The following PRKG1 variants were observed in gnomAD, a reference collection of about 807,000 sequenced individuals.
PRKG1 encodes cGMP-dependent protein kinase 1.
In PRKG1, 35 loss-of-function variants were observed where a neutral mutation model predicts 88.1. The observed-to-expected ratio is 0.40, with a 90% confidence interval of 0.30 to 0.53. PRKG1 has a LOEUF of 0.53. Ranked by LOEUF, PRKG1 falls within the 20% of genes least tolerant of loss-of-function variation. The pLI is 0.59. For missense variants in PRKG1, 540 were observed against 839.8 expected (o/e 0.64, Z 4.41); for synonymous variants, 303 against 292.5 (o/e 1.04, Z -0.37).
At chr10:51,464,919 C>T (rs1387447593) in intron 2 of PRKG1, among the ~76,000 whole-genome samples, 1 of 149,358 alleles carries the variant, frequency 6.7e-6, no homozygotes, top group Non-Finnish European at 1.5e-5. Flanking sequence ...AAGATAAGAT[C>T]AGGAAAATAA....
chr10:51,284,865 C>CTTTTTTTTTTTTTTTTTTTTTAAGTTTTT (rs1840393822), intron 2 of PRKG1, among the ~76,000 whole-genome samples: 1 of 51,698 alleles, frequency 1.9e-5, no homozygotes, highest in African/African-American at 7.2e-5. Context: ...GTTGTGGGTA[C>CTTTTTTTTTTTTTTTTTTTTTAAGTTTTT]TTTTTTTTTT....
chr10:51,750,511 C>T (rs1178696408), intron 3 of PRKG1, among the ~76,000 whole-genome samples: 2 of 152,128 alleles, frequency 1.3e-5, no homozygotes, highest in Admixed American at 6.5e-5. Context: ...AGGTGCCAGG[C>T]AATGAGCTAG....
Position 51,186,097 on chromosome 10 carries a change from A to G in PRKG1, c.478+32767A>G, listed in dbSNP as rs114763293. ...TAAATCTTTTTGTATCTTAGCAAGGACTATTATTTTTCTTATTCTACATTT... is the reference window on the plus strand; with the variant it reads ...TAAATCTTTTTGTATCTTAGCAAGGGCTATTATTTTTCTTATTCTACATTT... On this transcript the variant is annotated intron_variant, in intron 2 of 17. Transcript: ENST00000373980. Among the ~76,000 whole-genome samples the G allele has an allele frequency of 7.6e-3, 1,159 of 151,886 alleles. 19 individuals are homozygous for G. The highest frequency in any genetic ancestry group is 0.027 in the African/African-American group (1,117 of 41,486).
chr10:51,134,917 T>C (rs1845653957), intron 1 of PRKG1, among the ~76,000 whole-genome samples: 1 of 152,106 alleles, frequency 6.6e-6, no homozygotes, highest in African/African-American at 2.4e-5. Flanking sequence ...GCCCAGAGAC[T>C]CCTTTGGAAA....
intron 2 of PRKG1, among the ~76,000 whole-genome samples, chr10:51,345,576 G>C (rs772992430): frequency 6.6e-6 from 1 of 151,724 alleles, no homozygotes; most frequent in African/African-American, 2.4e-5. Flanking sequence ...CACTTTTGAG[G>C]CTACTCGTTT....
intron 4 of PRKG1, among the ~76,000 whole-genome samples, chr10:51,805,887 T>C (rs953103934): frequency 6.6e-6 from 1 of 152,152 alleles, no homozygotes; most frequent in Non-Finnish European, 1.5e-5. Context: ...AGGGTGTTGA[T>C]TTTTTTCCTC....
intron 9 of PRKG1, among the ~76,000 whole-genome samples, chr10:52,200,746 A>T (rs1839642879): frequency 6.6e-6 from 1 of 152,202 alleles, no homozygotes; most frequent in South Asian, 2.1e-4. Flanking sequence ...AGTAATAGCC[A>T]TTCTGACTCG....
At chr10:51,656,816 A>T (rs1589166005) in intron 3 of PRKG1, among the ~76,000 whole-genome samples, 1 of 152,052 alleles carries the variant, frequency 6.6e-6, no homozygotes, top group African/African-American at 2.4e-5. Flanking sequence ...TTTCAACAGG[A>T]CTCCTTATCA....
At chr10:51,023,632 A>G (rs1843167125) in intron 1 of PRKG1, among the ~76,000 whole-genome samples, 1 of 152,224 alleles carries the variant, frequency 6.6e-6, no homozygotes, top group South Asian at 2.1e-4. Context: ...TGTTTAAATT[A>G]ATCACTTAAA....
intron 5 of PRKG1, among the ~76,000 whole-genome samples, chr10:51,971,787 C>G (rs924271424): frequency 6.6e-6 from 1 of 152,078 alleles, no homozygotes; most frequent in African/African-American, 2.4e-5. Flanking sequence ...TAAAAATATT[C>G]ATTTTGTCAT....
chr10:52,282,704 C>T (rs1842026908), intron 14 of PRKG1, among the ~76,000 whole-genome samples: 2 of 152,042 alleles, frequency 1.3e-5, no homozygotes, highest in Non-Finnish European at 2.9e-5. Flanking sequence ...ACTGTTATAT[C>T]TAAATGAAAG....
At chr10:51,936,293 C>T (rs1288215583) in intron 5 of PRKG1, among the ~76,000 whole-genome samples, 1 of 151,800 alleles carries the variant, frequency 6.6e-6, no homozygotes, top group Non-Finnish European at 1.5e-5. Flanking sequence ...AACTTTTTTC[C>T]CTGTTGCTGA....
At chr10:51,230,662 T>TGCATATA (rs1838820140) in intron 2 of PRKG1, among the ~76,000 whole-genome samples, 1 of 152,134 alleles carries the variant, frequency 6.6e-6, no homozygotes, top group Admixed American at 6.5e-5. Flanking sequence ...AAATAGTATT[T>TGCATATA]GCATATAACT....
At chr10:51,618,367 A>G (rs1399414831) in intron 3 of PRKG1, among the ~76,000 whole-genome samples, 1 of 152,194 alleles carries the variant, frequency 6.6e-6, no homozygotes, top group East Asian at 1.9e-4. Flanking sequence ...ACAAAATGTA[A>G]TAGCTTAAAG....
intron 5 of PRKG1, among the ~76,000 whole-genome samples, chr10:52,012,653 C>G (rs1348620459): frequency 6.6e-6 from 1 of 152,116 alleles, no homozygotes; most frequent in East Asian, 1.9e-4. Context: ...TCCCAAAGTA[C>G]TGGGATTACA....
In PRKG1 at chr10:51,164,695, G is replaced by A. The variant is rs1846479945; in HGVS notation, c.478+11365G>A. On this transcript the variant is annotated intron_variant, in intron 2 of 17. Coordinates refer to ENST00000373980, the MANE Select transcript of PRKG1 (RefSeq NM_006258.4). Reference sequence around the variant, plus strand: ...TAACTAGAATAACCAATACAGAGAAGTGCTTAAAGGAGCTGATGGAGCTGA... The same window carrying A: ...TAACTAGAATAACCAATACAGAGAAATGCTTAAAGGAGCTGATGGAGCTGA... 1.3e-5 allele frequency among the ~76,000 whole-genome samples: 2 copies of A among 152,088 alleles called. 1 individual carries two copies. The highest frequency in any genetic ancestry group is 3.9e-4 in the East Asian group (2 of 5,186).
At chr10:51,640,959 GT>G (rs1839783819) in intron 3 of PRKG1, among the ~76,000 whole-genome samples, 1 of 151,970 alleles carries the variant, frequency 6.6e-6, no homozygotes, top group African/African-American at 2.4e-5. Flanking sequence ...AATTTGTAGA[GT>G]TTTGTAACCC....
At chr10:52,106,159 A>G (rs992445222) in intron 7 of PRKG1, among the ~76,000 whole-genome samples, 18 of 152,206 alleles carry the variant, frequency 1.2e-4, no homozygotes, top group African/African-American at 3.9e-4. Flanking sequence ...CAATAAAATA[A>G]CAGAGTCTCC....
At chr10:52,144,504 C>T (rs954809249) in intron 8 of PRKG1, among the ~76,000 whole-genome samples, 24 of 152,276 alleles carry the variant, frequency 1.6e-4, no homozygotes, top group Admixed American at 1.5e-3. Flanking sequence ...TTCATTAGAG[C>T]TTAAGAGCCT....
Sources: allele counts gnomAD v4.1 joint callset (sites outside exome capture counted in the v4.1 genomes callset), GRCh38; gene constraint gnomAD v4.1.1; transcripts MANE v1.5; gene names NCBI Gene and HGNC (gene_info 2026-07-23, HGNC 2026-07-21).